DNM3: variants seen among roughly 807,000 people sequenced by gnomAD.
DNM3 encodes the protein dynamin 3.
A neutral mutation model predicts 101.6 loss-of-function variants in DNM3; 47 were observed. That is an observed-to-expected ratio of 0.46 (90% CI 0.37 to 0.59). The LOEUF is 0.59. DNM3 is among the 20% of genes least tolerant of loss of function. The pLI, the probability that DNM3 is intolerant of heterozygous loss-of-function variation, is 0.00. For missense variants in DNM3, 849 were observed against 1,085.7 expected, an observed-to-expected ratio of 0.78 and a Z score of 3.06; for synonymous variants, 385 against 387.9, an observed-to-expected ratio of 0.99 and a Z score of 0.09.
intron 15 of DNM3, among the ~76,000 whole-genome samples, chr1:172,266,462 C>A (rs1014548123): frequency 6.6e-6 from 1 of 152,108 alleles, no homozygotes; most frequent in East Asian, 1.9e-4. Context: ...GAATGAAATA[C>A]TGTGTAAGGA....
intron 1 of DNM3, among the ~76,000 whole-genome samples, chr1:171,890,326 T>C (rs1182908639): frequency 6.6e-6 from 1 of 152,230 alleles, no homozygotes; most frequent in Admixed American, 6.5e-5. Flanking sequence ...TGAATTTATA[T>C]AGAAGTAGCA....
chr1:171,995,675 T>C (rs1269360507), intron 4 of DNM3, among the ~76,000 whole-genome samples: 2 of 152,140 alleles, frequency 1.3e-5, no homozygotes, highest in African/African-American at 4.8e-5. Context: ...GGTTATGACA[T>C]CTGTTACCCT....
At chr1:172,237,721 A>C (rs1205720203) in intron 14 of DNM3, among the ~76,000 whole-genome samples, 1 of 152,178 alleles carries the variant, frequency 6.6e-6, no homozygotes, top group East Asian at 1.9e-4. Flanking sequence ...ATATACATAC[A>C]TTATGCTTAT....
chr1:172,119,115 C>A (rs1429522064), intron 13 of DNM3, among the ~76,000 whole-genome samples: 2 of 151,884 alleles, frequency 1.3e-5, no homozygotes, highest in African/African-American at 4.8e-5. Flanking sequence ...GCCTCAGCCT[C>A]CTGAGTAGCT....
intron 1 of DNM3, among the ~76,000 whole-genome samples, chr1:171,879,154 A>G (rs984422660): frequency 1.3e-5 from 2 of 152,242 alleles, no homozygotes; most frequent in Non-Finnish European, 2.9e-5. Flanking sequence ...TAAAACTAAC[A>G]TATCTTCAGG....
At chr1:172,084,668 A>G (rs1327924751) in intron 12 of DNM3, among the ~76,000 whole-genome samples, 1 of 152,176 alleles carries the variant, frequency 6.6e-6, no homozygotes, top group Non-Finnish European at 1.5e-5. Flanking sequence ...TGCTGTTTCC[A>G]TCAAGGAAGA....
intron 14 of DNM3, among the ~76,000 whole-genome samples, chr1:172,208,104 A>G (rs1351103428): frequency 3.3e-5 from 5 of 152,242 alleles, no homozygotes; most frequent in Non-Finnish European, 7.4e-5. Flanking sequence ...AGATGTTTAT[A>G]TAAACCCAAG....
chr1:171,851,286 C>T (rs891335235), intron 1 of DNM3, among the ~76,000 whole-genome samples: 8 of 152,148 alleles, frequency 5.3e-5, no homozygotes, highest in Non-Finnish European at 7.3e-5. Flanking sequence ...AGTGCAGTGC[C>T]GGCATATGGC....
chr1:171,909,278 C>G (rs2039088577), intron 1 of DNM3, among the ~76,000 whole-genome samples: 1 of 151,836 alleles, frequency 6.6e-6, no homozygotes, highest in South Asian at 2.1e-4. Flanking sequence ...ACTAAAAATA[C>G]AAAAATTAGC....
chr1:172,170,478 A>G (rs2058915123), intron 14 of DNM3, among the ~76,000 whole-genome samples: 1 of 151,854 alleles, frequency 6.6e-6, no homozygotes, highest in Non-Finnish European at 1.5e-5. Flanking sequence ...CTTCAGTTTC[A>G]TATCTATAAA....
intron 4 of DNM3, among the ~76,000 whole-genome samples, chr1:172,006,027 G>A (rs752744569): frequency 3.9e-5 from 6 of 152,042 alleles, no homozygotes; most frequent in Non-Finnish European, 8.8e-5. Flanking sequence ...CTAATATGAG[G>A]TATGTGTTCA....
At chr1:172,200,792 T>A (rs959285047) in intron 14 of DNM3, among the ~76,000 whole-genome samples, 2 of 152,170 alleles carry the variant, frequency 1.3e-5, no homozygotes, top group African/African-American at 4.8e-5. Flanking sequence ...CTTCAGCTCC[T>A]TTTTGCCTTA....
chr1:172,023,326 C>T (rs6668552), intron 4 of DNM3, among the ~76,000 whole-genome samples: 41,243 of 151,868 alleles, frequency 0.27, 6,505 homozygotes, highest in African/African-American at 0.44. Flanking sequence ...TTGTAGAACA[C>T]GTTCTTTAAC....
At chr1:172,307,634 T>C (rs1467609677) in intron 15 of DNM3, among the ~76,000 whole-genome samples, 1 of 152,148 alleles carries the variant, frequency 6.6e-6, no homozygotes, top group Non-Finnish European at 1.5e-5. Flanking sequence ...CAAATGTCCA[T>C]CAATGATAGA....
chr1:172,328,821 C>G (rs1254409169), intron 17 of DNM3, among the ~76,000 whole-genome samples: 4 of 152,080 alleles, frequency 2.6e-5, no homozygotes, highest in Admixed American at 2.0e-4. Flanking sequence ...AACATTTTAT[C>G]ATGAAGTATG....
At position 172,064,342 on chromosome 1, in the gene DNM3, C is replaced by G. The variant is rs565772789; in HGVS notation, c.1336-4477C>G. ...ATTTGACATTCAAATTAAAAAAGTG[C>G]AAAAGTGATTGACAATTATAATGGT... On this transcript the variant is annotated intron_variant, in intron 10 of 20. Transcript: ENST00000627582. Among the ~76,000 whole-genome samples, 18 of 151,958 alleles carry G rather than the reference C, an allele frequency of 1.2e-4. No homozygotes were observed. In the East Asian group the frequency reaches 3.5e-3, roughly 29 times the overall value.
intron 1 of DNM3, among the ~76,000 whole-genome samples, chr1:171,858,195 T>A (rs190653386): frequency 6.6e-6 from 1 of 152,334 alleles, no homozygotes; most frequent in East Asian, 1.9e-4. Flanking sequence ...GGGTTGGTAC[T>A]GAGAGTGAGG....
chr1:171,959,481 A>G (rs1444724344), intron 2 of DNM3, among the ~76,000 whole-genome samples: 1 of 152,110 alleles, frequency 6.6e-6, no homozygotes, highest in Non-Finnish European at 1.5e-5. Context: ...ATCTAAACAG[A>G]TGGATATGCA....
At chr1:172,218,325 A>T (rs2060779089) in intron 14 of DNM3, among the ~76,000 whole-genome samples, 1 of 152,082 alleles carries the variant, frequency 6.6e-6, no homozygotes, top group African/African-American at 2.4e-5. Context: ...TTGGGTTTGG[A>T]TTATGTACAT....
Sources: allele counts gnomAD v4.1 joint callset (sites outside exome capture counted in the v4.1 genomes callset), GRCh38; gene constraint gnomAD v4.1.1; transcripts MANE v1.5; gene names NCBI Gene and HGNC (gene_info 2026-07-23, HGNC 2026-07-21).